Variants in IQSEC3 observed in about 807,000 individuals in gnomAD.
IQSEC3 encodes the protein IQ motif and SEC7 domain-containing protein 3.
A neutral mutation model predicts 105.4 loss-of-function variants in IQSEC3; 50 were observed. The observed-to-expected ratio is 0.47, with a 90% CI of 0.38 to 0.60. IQSEC3 has a LOEUF of 0.60. IQSEC3 is among the 20% of genes least tolerant of loss of function. IQSEC3 has a pLI of 0.00. For synonymous variants in IQSEC3, 708 were observed against 746.0 expected, an observed-to-expected ratio of 0.95 and a Z score of 0.83; for missense variants, 1,415 against 1,630.0, an observed-to-expected ratio of 0.87 and a Z score of 2.27.
intron 2 of IQSEC3, among the ~76,000 whole-genome samples, chr12:121,711 C>T (rs1865223852): frequency 6.6e-6 from 1 of 152,124 alleles, no homozygotes; most frequent in Non-Finnish European, 1.5e-5. Flanking sequence ...TGAGAACACC[C>T]CCCCGCTACA....
chr12:125,509 C>T, intron 2 of IQSEC3, 124 bp from the exon 3 acceptor site: 1 of 981,656 alleles, frequency 1.0e-6, no homozygotes, highest in South Asian at 2.2e-5. Context: ...GTGAAAGACA[C>T]CCCCTCCAGT....
rs1867105473 is a variant in IQSEC3, at chr12:165,170, G to A, written c.2710-264G>A. On this transcript the variant is annotated intron_variant, in intron 9 of 13. Coordinates refer to ENST00000538872, the MANE Select transcript of IQSEC3 (RefSeq NM_001170738.2). ...TGGGCAGAAGGCCAGAGTAAGGCAA[G>A]GACCACATCAGGTGGGTTTTACAGG... is the stretch of plus-strand genomic sequence containing the variant. 5.7e-6 allele frequency: 3 copies of A among 521,870 alleles called. No homozygotes were observed. The South Asian group carries it at 6.6e-5, about 12-fold the overall frequency. The allele number at this position is 521,870 out of a possible 1,614,324, so 32.3% of individuals were successfully genotyped here.
At chr12:87,533 T>A (rs781929117) in intron 1 of IQSEC3, among the ~76,000 whole-genome samples, 1 of 152,160 alleles carries the variant, frequency 6.6e-6, no homozygotes, top group Non-Finnish European at 1.5e-5. Flanking sequence ...AGAACCCAGA[T>A]GACAGCAAGT....
rs937766195 is a variant in IQSEC3 at position 158,360 on chromosome 12, G to A, written c.2443+666G>A. Among the ~76,000 whole-genome samples the A allele has an allele frequency of 3.9e-5, 6 of 152,066 alleles. No individual in the cohort carries two copies. The East Asian group carries it at 9.6e-4, about 24-fold the overall frequency. On this transcript the variant is annotated intron_variant, in intron 7 of 13. Transcript: ENST00000538872. The stretch of plus-strand genomic sequence containing the variant: ...TGCGTTTCTTCTGTATCGATAAACC[G>A]CAGGCTTCTGCTTCGCTTTTTTCTA...
chr12:157,170 C>A, intron 6 of IQSEC3, 23 bp downstream of exon 6: 1 of 1,529,126 alleles, frequency 6.5e-7, no homozygotes, highest in Non-Finnish European at 8.8e-7. Context: ...CCCAGCTCCA[C>A]TCCCCAACAG....
In IQSEC3 at chr12:157,580, G is replaced by A. The variant is rs1555094828; in HGVS notation, c.2329G>A (p.Asp777Asn). The change falls in exon 7 of 14, where the codon GAC becomes AAC. Residue 777 changes from aspartate (D) to asparagine (N), a missense_variant. Coordinates refer to ENST00000538872, the MANE Select transcript of IQSEC3 (RefSeq NM_001170738.2). ...PEVVQQFHNP[D>N]TIFILAFAII... ...AGTGGTTCAGCAGTTCCACAACCCC[G>A]ACACCATCTTCATCCTCGCCTTCGC... 4.3e-6 allele frequency: 7 copies of A among 1,613,992 alleles called. No homozygotes were observed. In the South Asian group the frequency reaches 4.4e-5, roughly 10 times the overall value.
At chr12:98,976 G>A (rs556176373) in intron 1 of IQSEC3, among the ~76,000 whole-genome samples, 170 bp from the exon 2 acceptor site, 36 of 152,276 alleles carry the variant, frequency 2.4e-4, no homozygotes, top group Middle Eastern at 3.4e-3. Context: ...ACAGAGCATC[G>A]ATGCTGCACT....
intron 13 of IQSEC3, chr12:171,395 T>A: frequency 7.1e-7 from 1 of 1,417,200 alleles, no homozygotes; most frequent in Non-Finnish European, 9.9e-7. Flanking sequence ...CCTGCTGCCC[T>A]CCGAGGCCGA....
intron 3 of IQSEC3, 137 bp downstream of exon 3, chr12:126,049 G>T: frequency 1.1e-6 from 1 of 941,726 alleles, no homozygotes; most frequent in Non-Finnish European, 1.5e-6. Context: ...CTCCTGCATT[G>T]AGCGACCTAG....
At chr12:76,085 A>ATC (rs1863509145) in intron 1 of IQSEC3, among the ~76,000 whole-genome samples, 1 of 127,726 alleles carries the variant, frequency 7.8e-6, no homozygotes, top group Non-Finnish European at 1.6e-5. Context: ...TGAGAGTTTC[A>ATC]TCACACACAC....
intron 3 of IQSEC3, 62 bp downstream of exon 3, chr12:125,974 C>A: frequency 1.4e-6 from 2 of 1,471,008 alleles, no homozygotes; most frequent in Non-Finnish European, 1.8e-6. Context: ...TGGGGGCTGT[C>A]GAGGGTACCA....
intron 2 of IQSEC3, among the ~76,000 whole-genome samples, chr12:121,207 A>G (rs1457113461): frequency 6.6e-6 from 1 of 152,204 alleles, no homozygotes; most frequent in Non-Finnish European, 1.5e-5. Flanking sequence ...GTGTCTTGGA[A>G]GGAGAGGAGA....
intron 2 of IQSEC3, among the ~76,000 whole-genome samples, chr12:118,205 G>A (rs544864601): frequency 2.0e-5 from 3 of 152,178 alleles, no homozygotes; most frequent in Admixed American, 2.0e-4. Context: ...ACCTTGGGCA[G>A]GACCTTCCAG....
intron 1 of IQSEC3, among the ~76,000 whole-genome samples, chr12:74,687 C>T (rs1160178712): frequency 3.3e-5 from 5 of 152,280 alleles, no homozygotes; most frequent in African/African-American, 9.6e-5. Context: ...CCCTCTAAGC[C>T]ACAGCTTCAG....
intron 5 of IQSEC3, among the ~76,000 whole-genome samples, chr12:145,503 C>T (rs1156481993): frequency 6.6e-6 from 1 of 152,198 alleles, no homozygotes; most frequent in Non-Finnish European, 1.5e-5. Flanking sequence ...CCATTCCCCG[C>T]GCACAAGGAA....
chr12:75,354 T>C (rs534216833), intron 1 of IQSEC3, among the ~76,000 whole-genome samples: 2 of 152,304 alleles, frequency 1.3e-5, no homozygotes, highest in South Asian at 4.1e-4. Context: ...GAATTGGAAT[T>C]GCCTTGTTTG....
intron 1 of IQSEC3, among the ~76,000 whole-genome samples, chr12:74,524 G>C (rs1408948895): frequency 2.6e-5 from 4 of 152,286 alleles, no homozygotes; most frequent in African/African-American, 9.6e-5. Context: ...TGGAATAAGG[G>C]ATCTGGGAGG....
chr12:160,592 T>C (rs1396319267), intron 7 of IQSEC3, among the ~76,000 whole-genome samples: 1 of 152,124 alleles, frequency 6.6e-6, no homozygotes, highest in Non-Finnish European at 1.5e-5. Flanking sequence ...ATCTCAGAGT[T>C]CCAGAGAATG....
intron 2 of IQSEC3, among the ~76,000 whole-genome samples, chr12:120,154 G>A (rs1224823172): frequency 6.6e-6 from 1 of 152,206 alleles, no homozygotes; most frequent in African/African-American, 2.4e-5. Flanking sequence ...AAAGCACAAA[G>A]TGGTCATTGC....
Sources: gnomAD v4.1 joint callset for allele counts (sites outside exome capture counted in the v4.1 genomes callset) on GRCh38, gnomAD v4.1.1 for gene constraint, MANE v1.5 for transcripts, NCBI Gene and HGNC (gene_info 2026-07-23, HGNC 2026-07-21) for gene names.